KRT14: variants seen among roughly 807,000 people sequenced by gnomAD.
The protein encoded by KRT14 is keratin, type I cytoskeletal 14.
Under a neutral mutation model 44.5 loss-of-function variants are expected in KRT14, and 30 were observed. The observed-to-expected ratio is 0.67, with a 90% CI of 0.50 to 0.92. The LOEUF is 0.92. Ranked by LOEUF, KRT14 falls within the 40% of genes least tolerant of loss-of-function variation. KRT14 has a pLI of 0.00. For missense variants in KRT14, 535 were observed against 640.6 expected, an observed-to-expected ratio of 0.84 and a Z score of 1.78; for synonymous variants, 241 against 257.6, an observed-to-expected ratio of 0.94 and a Z score of 0.62.
chr17:41,583,239 C>G lies in KRT14; in HGVS notation c.1270G>C (p.Ala424Pro). ...TYRRLLEGED[A>P]HLSSSQFSSG... ...AAGGGGAGGGCCAAGACTCACTGGG[C>G]GTCCTCGCCCTCCAGCAGGCGGCGG... Residue 424 changes from alanine to proline, a missense_variant, in exon 6 of 8, where the codon GCC becomes CCC. Transcript: ENST00000167586. 1 of 1,613,414 alleles carries G rather than the reference C, an allele frequency of 6.2e-7. No individual in the cohort carries two copies.
intron 1 of KRT14, among the ~76,000 whole-genome samples, chr17:41,585,540 A>G (rs1907498609): frequency 6.6e-6 from 1 of 152,216 alleles, no homozygotes. Flanking sequence ...CAACTAACAC[A>G]GGGGATTAGA....
At chr17:41,582,672 G>C (rs542533298) in intron 7 of KRT14, 140 bp from the exon 8 acceptor site, 2 of 718,770 alleles carry the variant, frequency 2.8e-6, no homozygotes, top group Non-Finnish European at 5.0e-6. Flanking sequence ...ACTCCCTGCT[G>C]TTGCCCAAGC....
rs780120103 is a variant in KRT14, at chr17:41,583,966, A to C, written c.766-45T>G. The C allele has an allele frequency of 1.2e-5, 20 of 1,608,718 alleles. No homozygotes were observed. The South Asian group carries it at 2.0e-4, about 16-fold the overall frequency. On this transcript the variant is annotated intron_variant, in intron 3 of 7. Transcript: ENST00000167586. ...CCACAGTCAGGAGTTCCACCATGGC[A>C]GCGGATTGGTGTTCCTTAGGCCTGA...
chr17:41,582,721 C>T, intron 7 of KRT14, 189 bp from the exon 8 acceptor site: 1 of 641,882 alleles, frequency 1.6e-6, no homozygotes, highest in Non-Finnish European at 2.8e-6. Flanking sequence ...ACGAGGGCTC[C>T]CAAAGGTCAG....
At position 41,582,661 on chromosome 17, in the gene KRT14, C is replaced by A. The variant is rs990165221; in HGVS notation, c.1322-129G>T. The stretch of plus-strand genomic sequence containing the variant: ...TTGCCCTCTCCCCTGATTACTGCTT[C>A]ACTCCCTGCTGTTGCCCAAGCACTG... On this transcript the variant is annotated intron_variant, in intron 7 of 7. Transcript: ENST00000167586. The A allele has an allele frequency of 9.4e-6, 7 of 747,326 alleles. No individual in the cohort carries two copies. The African/African-American group carries it at 1.2e-4, about 13-fold the overall frequency. The allele number at this position is 747,326 out of a possible 1,614,324, so 46.3% of individuals were successfully genotyped here. A position where few individuals can be genotyped will look rare whatever the true frequency, so the allele number is the denominator to read the frequency against.
Position 41,586,300 on chromosome 17 carries a change from A to T in KRT14, c.525+10T>A, listed in dbSNP as rs775727830. The T allele has an allele frequency of 2.8e-5, 45 of 1,611,878 alleles. No homozygotes were observed. The highest frequency in any genetic ancestry group is 3.6e-5 in the Non-Finnish European group (43 of 1,179,882). On this transcript the variant is annotated intron_variant, in intron 1 of 7. Transcript: ENST00000167586. ...GCTGGAATGGTGCCTTCTGCTGCCC[A>T]TTCACCCACCTTGTTCCTCAGGTCC... is the stretch of plus-strand genomic sequence containing the variant.
rs11551760 is a variant in KRT14, at chr17:41,582,500, C to G, written c.1354G>C (p.Val452Leu). Residue 452 changes from valine (V) to leucine (L), a missense_variant, in exon 8 of 8, where the codon GTC (valine) becomes CTC (leucine). Physicochemically the swap from Val to Leu is conservative, Grantham distance 32. Coordinates refer to ENST00000167586, the MANE Select transcript of KRT14 (RefSeq NM_000526.5). The stretch of plus-strand genomic sequence containing the variant: ...ACCTTGCCATCGTGCACATCCATGA[C>G]CTTGGTGCGGATTTGGCGGCTGGAG... ...TSSSRQIRTK[V>L]MDVHDGKVVS... 1 of 1,572,354 alleles carries G rather than the reference C, an allele frequency of 6.4e-7. No homozygotes were observed. Among genetic ancestry groups the G allele is most frequent in the African/African-American group, 1.4e-5 (1 of 74,056 alleles).
chr17:41,586,096 G>C (rs1597799640), intron 1 of KRT14, among the ~76,000 whole-genome samples: 1 of 152,306 alleles, frequency 6.6e-6, no homozygotes, highest in Non-Finnish European at 1.5e-5. Flanking sequence ...GATCTCACAT[G>C]GTCTGAGGAT....
chr17:41,583,890 C>A lies in KRT14; in HGVS notation c.797G>T (p.Gly266Val). 6.2e-7 allele frequency: 1 copy of A among 1,613,954 alleles called. No homozygotes were observed. Residue 266 changes from glycine (G) to valine (V), a missense_variant, in exon 4 of 8, where the codon GGA becomes GTA. Gly to Val is a moderately radical substitution (Grantham distance 109, BLOSUM62 -3). Transcript: ENST00000167586. ...AGCGTCCATCTCCACATTGACATCT[C>A]CACCCACCTGGCCTCTCAGGGCATT... is the stretch of plus-strand genomic sequence containing the variant. ...EMNALRGQVG[G>V]DVNVEMDAAP...
chr17:41,584,704 C>T (rs1272074225), intron 2 of KRT14, among the ~76,000 whole-genome samples: 1 of 152,224 alleles, frequency 6.6e-6, no homozygotes, highest in African/African-American at 2.4e-5. Context: ...CCTTCCTATA[C>T]TTCAAGGGCA....
In KRT14 at chr17:41,586,319, C is replaced by G. The variant is rs1393886414; in HGVS notation, c.516G>C (p.Leu172=). The change falls in exon 1 of 8, where the codon CTG becomes CTC. Residue 172 remains leucine, a synonymous_variant. Transcript: ENST00000167586. ...YSPYFKTIED[L]RNKILTATVD... ...CTGCCCATTCACCCACCTTGTTCCT[C>G]AGGTCCTCAATGGTCTTGAAGTAGG... is the stretch of plus-strand genomic sequence containing the variant. 1.2e-6 allele frequency: 2 copies of G among 1,612,282 alleles called. No individual in the cohort carries two copies. The highest frequency in any genetic ancestry group is 1.7e-6 in the Non-Finnish European group (2 of 1,179,946).
In KRT14 at chr17:41,586,411, C is replaced by G; in HGVS notation, c.424G>C (p.Asp142His). 1 of 1,614,020 alleles carries G rather than the reference C, an allele frequency of 6.2e-7. No individual in the cohort carries two copies. The highest frequency in any genetic ancestry group is 8.5e-7 in the Non-Finnish European group (1 of 1,179,956). Residue 142 changes from aspartate (D) to histidine (H), a missense_variant, in exon 1 of 8, where the codon GAC becomes CAC. Physicochemically the swap from Asp to His is moderately conservative, Grantham distance 81. Coordinates refer to ENST00000167586, the MANE Select transcript of KRT14 (RefSeq NM_000526.5). ...KVRALEEANA[D>H]LEVKIRDWYQ... ...CAGTCACGGATCTTCACTTCCAGGT[C>G]GGCGTTGGCCTCCTCCAGAGCACGC...
chr17:41,582,849 G>C, intron 7 of KRT14: 2 of 607,292 alleles, frequency 3.3e-6, no homozygotes, highest in Non-Finnish European at 2.9e-6. Context: ...CCCTGTTCAT[G>C]GTGCTGACCA....
At position 41,583,201 on chromosome 17, in the gene KRT14, G is replaced by C. The variant is rs540587927; in HGVS notation, c.1274+34C>G. ...ATGGTGGGGCCGTGAGAGTGCCATG[G>C]GGGGGGCGGACTAAGGGGAGGGCCA... is the stretch of plus-strand genomic sequence containing the variant. On this transcript the variant is annotated intron_variant, in intron 6 of 7. Transcript: ENST00000167586. The C allele has an allele frequency of 4.5e-5, 73 of 1,613,018 alleles. No homozygotes were observed. In the Middle Eastern group the frequency reaches 7.1e-4, roughly 16 times the overall value.
chr17:41,585,305 C>G (rs1294076497), intron 1 of KRT14, among the ~76,000 whole-genome samples: 1 of 152,106 alleles, frequency 6.6e-6, no homozygotes, highest in Admixed American at 6.5e-5. Context: ...AGTTCTGGTC[C>G]CAATTCTGCC....
chr17:41,583,126 T>A lies in KRT14; in HGVS notation c.1289A>T (p.Gln430Leu). The A allele has an allele frequency of 1.6e-5, 25 of 1,610,556 alleles. No homozygotes were observed. Among genetic ancestry groups the A allele is most frequent in the Non-Finnish European group, 2.1e-5 (25 of 1,179,522 alleles). ...GGATGACTGCGATCCAGAGGAGAAC[T>A]GGGAGGAGGAGAGGCTGTGAAAATA... ...EGEDAHLSSS[Q>L]FSSGSQSSRD... Residue 430 changes from glutamine (Q) to leucine (L), a missense_variant, in exon 7 of 8, where the codon CAG becomes CTG. Physicochemically the swap from Gln to Leu is moderately radical, Grantham distance 113. Coordinates refer to ENST00000167586, the MANE Select transcript of KRT14 (RefSeq NM_000526.5).
Position 41,583,124 on chromosome 17 carries a change from A to C in KRT14, c.1291T>G (p.Phe431Val). The part of the protein sequence containing the change: ...GEDAHLSSSQ[F>V]SSGSQSSRDV... Reference sequence around the variant, plus strand: ...CTGGATGACTGCGATCCAGAGGAGAACTGGGAGGAGGAGAGGCTGTGAAAA... The same window carrying C: ...CTGGATGACTGCGATCCAGAGGAGACCTGGGAGGAGGAGAGGCTGTGAAAA... Residue 431 changes from phenylalanine (F) to valine (V), a missense_variant, in exon 7 of 8, where the codon TTC becomes GTC. Phe to Val is a conservative substitution (Grantham distance 50). Coordinates refer to ENST00000167586, the MANE Select transcript of KRT14 (RefSeq NM_000526.5). The C allele has an allele frequency of 6.2e-7, 1 of 1,613,048 alleles. No individual in the cohort carries two copies. Among genetic ancestry groups the C allele is most frequent in the Non-Finnish European group, 8.5e-7 (1 of 1,179,868 alleles).
chr17:41,584,365 A>G lies in KRT14; in HGVS notation c.657T>C (p.Asn219=). ...GTTCGTCCAGCACCCTGCGCAGGCC[A>G]TTGATGTCGGCTTCCACACTCATGC... ...NLRMSVEADI[N]GLRRVLDELT... is the part of the protein sequence containing the mutation. Residue 219 remains asparagine (N), a synonymous_variant, in exon 3 of 8, where the codon AAT becomes AAC. Coordinates refer to ENST00000167586, the MANE Select transcript of KRT14 (RefSeq NM_000526.5). 2 of 1,614,086 alleles carry G rather than the reference A, an allele frequency of 1.2e-6. No homozygotes were observed. Among genetic ancestry groups the G allele is most frequent in the South Asian group, 1.1e-5 (1 of 91,084 alleles).
chr17:41,584,260 C>T lies in KRT14; in HGVS notation c.762G>A (p.Glu254=). 1.2e-6 allele frequency: 2 copies of T among 1,613,700 alleles called. No homozygotes were observed. The highest frequency in any genetic ancestry group is 1.7e-6 in the Non-Finnish European group (2 of 1,179,934). Residue 254 remains glutamate, a synonymous_variant, in exon 3 of 8, where the codon GAG becomes GAA. Transcript: ENST00000167586. Reference sequence around the variant, plus strand: ...GACTTTTCCATATAGTTCTCACCTCCTCGTGGTTCTTCTTCAGGTAGGCCA... The same window carrying T: ...GACTTTTCCATATAGTTCTCACCTCTTCGTGGTTCTTCTTCAGGTAGGCCA... ...EELAYLKKNH[E]EEMNALRGQV...
Sources: allele counts gnomAD v4.1 joint callset (sites outside exome capture counted in the v4.1 genomes callset), GRCh38; gene constraint gnomAD v4.1.1; transcripts MANE v1.5; gene names NCBI Gene and HGNC (gene_info 2026-07-23, HGNC 2026-07-21).